Variants in DCC observed in about 807,000 individuals in gnomAD.
DCC encodes netrin receptor DCC.
Under a neutral mutation model 172.5 loss-of-function variants are expected in DCC, and 58 were observed. The observed-to-expected ratio is 0.34, with a 90% CI of 0.27 to 0.42. The LOEUF is 0.42. DCC is among the 10% of genes least tolerant of loss of function. DCC has a pLI of 1.00. For missense variants in DCC, 1,740 were observed against 1,791.0 expected (o/e 0.97, Z 0.51); for synonymous variants, 709 against 644.5 (o/e 1.10, Z -1.52).
At chr18:52,811,513 A>G (rs2038198499) in intron 2 of DCC, among the ~76,000 whole-genome samples, 1 of 152,238 alleles carries the variant, frequency 6.6e-6, no homozygotes, top group Non-Finnish European at 1.5e-5. Context: ...AGGGACTCAT[A>G]ACTTACTAAA....
intron 2 of DCC, among the ~76,000 whole-genome samples, chr18:52,834,293 AC>A (rs1165985910): frequency 6.6e-6 from 1 of 152,220 alleles, no homozygotes; most frequent in African/African-American, 2.4e-5. Context: ...ACGGAAACAT[AC>A]AACATTTAAT....
intron 26 of DCC, among the ~76,000 whole-genome samples, chr18:53,490,567 G>C (rs925776754): frequency 6.6e-6 from 1 of 152,138 alleles, no homozygotes; most frequent in East Asian, 1.9e-4. Context: ...CAAGTGCCTT[G>C]CTAGCATGTA....
chr18:53,523,587 G>GATGA (rs2046423781), intron 27 of DCC, among the ~76,000 whole-genome samples: 2 of 152,126 alleles, frequency 1.3e-5, no homozygotes, highest in East Asian at 3.9e-4. Flanking sequence ...CATAAAAAAG[G>GATGA]ATGAGTTCAT....
chr18:52,432,999 T>A (rs959074205), intron 1 of DCC, among the ~76,000 whole-genome samples: 1 of 152,156 alleles, frequency 6.6e-6, no homozygotes, highest in African/African-American at 2.4e-5. Flanking sequence ...CAACAAAGAA[T>A]CTGAAGAGTG....
At chr18:52,548,402 GAGA>G (rs1319939358) in intron 1 of DCC, among the ~76,000 whole-genome samples, 2 of 152,182 alleles carry the variant, frequency 1.3e-5, no homozygotes, top group Middle Eastern at 3.4e-3. Flanking sequence ...TTTTCCAGGA[GAGA>G]AGACTTTCAA....
intron 12 of DCC, among the ~76,000 whole-genome samples, chr18:53,257,125 G>GGTTTTCTAGATGTACAATCAT (rs1353479313): frequency 7.9e-5 from 12 of 152,080 alleles, no homozygotes; most frequent in African/African-American, 2.9e-4. Flanking sequence ...GAGACAATGG[G>GGTTTTCTAGATGTACAATCAT]GTTTTCTAGA....
intron 5 of DCC, among the ~76,000 whole-genome samples, chr18:52,925,727 G>A (rs2040191384): frequency 6.6e-6 from 1 of 151,876 alleles, no homozygotes; most frequent in Non-Finnish European, 1.5e-5. Context: ...TCCTTGAGGG[G>A]AAAAAGGCAG....
intron 2 of DCC, among the ~76,000 whole-genome samples, chr18:52,863,424 C>G (rs2039174598): frequency 6.6e-6 from 1 of 151,698 alleles, no homozygotes. Context: ...CATAAGCTTT[C>G]TATAGAACAA....
intron 1 of DCC, among the ~76,000 whole-genome samples, chr18:52,343,597 G>A (rs1482603269): frequency 6.6e-6 from 1 of 152,166 alleles, no homozygotes; most frequent in Non-Finnish European, 1.5e-5. Context: ...TATTTGACAT[G>A]AGCCACAGGC....
At position 53,156,600 on chromosome 18, in the gene DCC, C is replaced by G. The variant is rs561942670; in HGVS notation, c.1262-756C>G. Among the ~76,000 whole-genome samples the G allele has an allele frequency of 1.4e-4, 22 of 151,876 alleles. No homozygotes were observed. The East Asian group carries it at 4.3e-3, about 29-fold the overall frequency. ...CATGTGGTCTTACTGTATGTTAAAA[C>G]TATATGATTACATTTTTTTCTACAG... On this transcript the variant is annotated intron_variant, in intron 7 of 28. Transcript: ENST00000442544.
intron 6 of DCC, 71 bp from the exon 7 acceptor site, chr18:53,065,975 A>G: frequency 1.9e-6 from 3 of 1,591,550 alleles, no homozygotes; most frequent in Non-Finnish European, 2.6e-6. Flanking sequence ...CTTTGGTCTC[A>G]TCTAAGTTCA....
At chr18:53,125,239 G>A (rs930915993) in intron 7 of DCC, among the ~76,000 whole-genome samples, 2 of 152,034 alleles carry the variant, frequency 1.3e-5, no homozygotes, top group Non-Finnish European at 2.9e-5. Flanking sequence ...CATGAGGTTA[G>A]GAGTTTTATT....
chr18:52,579,536 ATG>A (rs372305195), intron 1 of DCC, among the ~76,000 whole-genome samples: 4 of 151,798 alleles, frequency 2.6e-5, no homozygotes, highest in Admixed American at 2.0e-4. Context: ...GTGTGTGTGT[ATG>A]TGTGTGTGTG....
At chr18:52,402,967 A>T (rs2144380167) in intron 1 of DCC, among the ~76,000 whole-genome samples, 1 of 152,130 alleles carries the variant, frequency 6.6e-6, no homozygotes, top group East Asian at 1.9e-4. Flanking sequence ...GCAAATACAG[A>T]AGTTTAGTCA....
chr18:52,394,408 C>T (rs1405673616), intron 1 of DCC, among the ~76,000 whole-genome samples: 2 of 151,776 alleles, frequency 1.3e-5, no homozygotes, highest in Admixed American at 1.3e-4. Flanking sequence ...TAGGACCACA[C>T]GTGTGCTCTA....
At chr18:52,904,319 C>A (rs551022636) in intron 2 of DCC, among the ~76,000 whole-genome samples, 2 of 152,214 alleles carry the variant, frequency 1.3e-5, no homozygotes, top group African/African-American at 2.4e-5. Context: ...TGTACCTAAC[C>A]CACATATAAT....
Position 52,972,540 on chromosome 18 carries a change from G to A in DCC, c.985+47170G>A, listed in dbSNP as rs548187469. ...TGCTTTTTTTTTTTTTTTTACTCTCGCTATAGGTTTTACTCCATGTACATA... is the reference window on the plus strand; with the variant it reads ...TGCTTTTTTTTTTTTTTTTACTCTCACTATAGGTTTTACTCCATGTACATA... On this transcript the variant is annotated intron_variant, in intron 5 of 28. Coordinates refer to ENST00000442544, the MANE Select transcript of DCC (RefSeq NM_005215.4). 2.8e-4 allele frequency among the ~76,000 whole-genome samples: 40 copies of A among 143,700 alleles called. No homozygotes were observed. The South Asian group carries it at 6.5e-3, about 23-fold the overall frequency. The allele number at this position is 143,700 out of a possible 152,430, so 94.3% of individuals were successfully genotyped here. A position where few individuals can be genotyped will look rare whatever the true frequency, so the allele number is the denominator to read the frequency against.
intron 5 of DCC, among the ~76,000 whole-genome samples, chr18:52,955,674 A>G (rs1470003427): frequency 6.6e-6 from 1 of 152,148 alleles, no homozygotes; most frequent in Non-Finnish European, 1.5e-5. Flanking sequence ...AATAATGAAT[A>G]AGAGTTCCTC....
At chr18:53,392,923 T>C (rs1037931904) in intron 17 of DCC, among the ~76,000 whole-genome samples, 3 of 152,158 alleles carry the variant, frequency 2.0e-5, no homozygotes, top group African/African-American at 7.2e-5. Context: ...AAGAAGTCAG[T>C]TTTGAAAATA....
Sources: gnomAD v4.1 joint callset for allele counts (sites outside exome capture counted in the v4.1 genomes callset) on GRCh38, gnomAD v4.1.1 for gene constraint, MANE v1.5 for transcripts, NCBI Gene and HGNC (gene_info 2026-07-23, HGNC 2026-07-21) for gene names.